CLSTN2: variants seen among roughly 807,000 people sequenced by gnomAD.
CLSTN2 encodes calsyntenin-2.
Under a neutral mutation model 101.2 loss-of-function variants are expected in CLSTN2, and 48 were observed. That is an observed-to-expected ratio of 0.47 (90% CI 0.38 to 0.60). The LOEUF is 0.60. Ranked by LOEUF, CLSTN2 falls within the 20% of genes least tolerant of loss-of-function variation. The pLI, the probability that CLSTN2 is intolerant of heterozygous loss-of-function variation, is 0.00. For synonymous variants in CLSTN2, 481 were observed against 463.6 expected, an observed-to-expected ratio of 1.04 and a Z score of -0.48; for missense variants, 1,160 against 1,238.2, an observed-to-expected ratio of 0.94 and a Z score of 0.95.
At chr3:140,286,593 C>T (rs2086897862) in intron 2 of CLSTN2, among the ~76,000 whole-genome samples, 1 of 152,214 alleles carries the variant, frequency 6.6e-6, no homozygotes, top group Non-Finnish European at 1.5e-5. Context: ...ACCACTCTGC[C>T]TCCCTCCTCA....
At chr3:140,397,476 G>T (rs531194748) in intron 2 of CLSTN2, among the ~76,000 whole-genome samples, 5 of 152,174 alleles carry the variant, frequency 3.3e-5, no homozygotes, top group African/African-American at 4.8e-5. Context: ...CTGCTGTAAC[G>T]AAATACCTTA....
Position 140,058,630 on chromosome 3 carries a change from C to T in CLSTN2, c.110-117321C>T, listed in dbSNP as rs2008141109. On this transcript the variant is annotated intron_variant, in intron 1 of 16. Transcript: ENST00000458420. ...TCTATTCAAAAGGGCCAATGATTAC[C>T]CCAAAAGTTTAGACCTACTCTCCTG... 2.6e-5 allele frequency among the ~76,000 whole-genome samples: 4 copies of T among 152,006 alleles called. No individual in the cohort carries two copies. The South Asian group carries it at 8.3e-4, about 32-fold the overall frequency.
At position 140,132,098 on chromosome 3, in the gene CLSTN2, C is replaced by T. The variant is rs185973547; in HGVS notation, c.110-43853C>T. Among the ~76,000 whole-genome samples the T allele has an allele frequency of 1.3e-4, 20 of 152,274 alleles. No homozygotes were observed. In the East Asian group the frequency reaches 3.9e-3, roughly 29 times the overall value. ...ACATTAAGGTTTCTGATAGATAGCT[C>T]ACATGGAGAACTGCAATTATGATAC... On this transcript the variant is annotated intron_variant, in intron 1 of 16. Transcript: ENST00000458420.
rs17402503 is a variant in CLSTN2 at position 140,219,839 on chromosome 3, C to T, written c.232+43766C>T. Among the ~76,000 whole-genome samples, 891 of 152,338 alleles carry T rather than the reference C, an allele frequency of 5.8e-3. 8 individuals are homozygous for T. Among genetic ancestry groups the T allele is most frequent in the Non-Finnish European group, 9.5e-3 (643 of 68,034 alleles). On this transcript the variant is annotated intron_variant, in intron 2 of 16. Coordinates refer to ENST00000458420, the MANE Select transcript of CLSTN2 (RefSeq NM_022131.3). ...TATGTAAAATAGTGGGGCACAGCAT[C>T]ATCGCTATCATACCTACCTCTTACT...
At position 140,572,205 on chromosome 3, in the gene CLSTN2, G is replaced by A. The variant is rs1310143410; in HGVS notation, c.*5952G>A. Reference sequence around the variant, plus strand: ...ACCCACCCTAAGTCAGATGACAGGTGTAATTCTAGGGGCCCTGATATGCAT... The same window carrying A: ...ACCCACCCTAAGTCAGATGACAGGTATAATTCTAGGGGCCCTGATATGCAT... On this transcript the variant is annotated 3_prime_UTR_variant, in exon 17 of 17. Coordinates refer to ENST00000458420, the MANE Select transcript of CLSTN2 (RefSeq NM_022131.3). The A allele has an allele frequency of 1.3e-5, 2 of 152,194 alleles. No homozygotes were observed. Among genetic ancestry groups the A allele is most frequent in the Admixed American group, 6.5e-5 (1 of 15,290 alleles). The allele number at this position is 152,194 out of a possible 1,614,324, so 9.4% of individuals were successfully genotyped here. A position where few individuals can be genotyped will look rare whatever the true frequency, so the allele number is the denominator to read the frequency against.
chr3:140,410,096 T>C (rs990585905), intron 4 of CLSTN2, among the ~76,000 whole-genome samples: 2 of 152,106 alleles, frequency 1.3e-5, no homozygotes, highest in African/African-American at 4.8e-5. Flanking sequence ...TGGGGGTATT[T>C]ATATGGCTAA....
chr3:140,163,781 C>T (rs1196313986), intron 1 of CLSTN2, among the ~76,000 whole-genome samples: 3 of 151,548 alleles, frequency 2.0e-5, no homozygotes, highest in Non-Finnish European at 4.4e-5. Context: ...ATTCTGCCGT[C>T]CTGCAGGGGT....
intron 1 of CLSTN2, among the ~76,000 whole-genome samples, chr3:140,153,127 C>G (rs189547114): frequency 6.6e-6 from 1 of 152,306 alleles, no homozygotes; most frequent in Non-Finnish European, 1.5e-5. Context: ...GAGGTTTTGA[C>G]TTCCACTGTT....
At chr3:139,971,293 G>C (rs989879254) in intron 1 of CLSTN2, among the ~76,000 whole-genome samples, 2 of 152,222 alleles carry the variant, frequency 1.3e-5, no homozygotes, top group African/African-American at 4.8e-5. Context: ...TTAAAGATGA[G>C]TTGGCATCTT....
chr3:140,114,096 G>C (rs534622858), intron 1 of CLSTN2, among the ~76,000 whole-genome samples: 1 of 152,208 alleles, frequency 6.6e-6, no homozygotes, highest in East Asian at 1.9e-4. Context: ...ATGAGGCTCA[G>C]ATTCCTTGCC....
chr3:140,451,141 TC>T (rs879570025), intron 6 of CLSTN2, among the ~76,000 whole-genome samples: 1 of 152,184 alleles, frequency 6.6e-6, no homozygotes, highest in Non-Finnish European at 1.5e-5. Context: ...TTAGTTAGCA[TC>T]GTTTCCTAAA....
intron 2 of CLSTN2, among the ~76,000 whole-genome samples, chr3:140,249,481 T>C (rs2107874317): frequency 6.6e-6 from 1 of 152,258 alleles, no homozygotes; most frequent in East Asian, 1.9e-4. Flanking sequence ...TGGTTATAGA[T>C]TCTGGTCTAA....
At chr3:140,125,538 A>T (rs1283313051) in intron 1 of CLSTN2, among the ~76,000 whole-genome samples, 1 of 152,084 alleles carries the variant, frequency 6.6e-6, no homozygotes, top group African/African-American at 2.4e-5. Context: ...AAAAGGAAGG[A>T]TGAGGTGAAG....
intron 5 of CLSTN2, among the ~76,000 whole-genome samples, chr3:140,437,290 C>T (rs551146559): frequency 1.6e-4 from 24 of 152,168 alleles, no homozygotes; most frequent in Non-Finnish European, 2.8e-4. Flanking sequence ...CCTCACAATC[C>T]GCCTGCCTCA....
chr3:140,109,672 A>G (rs979476424), intron 1 of CLSTN2, among the ~76,000 whole-genome samples: 1 of 152,174 alleles, frequency 6.6e-6, no homozygotes, highest in Admixed American at 6.5e-5. Context: ...GAGAATTCTT[A>G]GGGAACTAAG....
At chr3:140,511,327 G>A (rs369186098) in intron 8 of CLSTN2, among the ~76,000 whole-genome samples, 9 of 151,978 alleles carry the variant, frequency 5.9e-5, no homozygotes, top group African/African-American at 1.2e-4. Context: ...TACAGTGAAC[G>A]TACACGTGCT....
At chr3:140,544,261 T>C (rs1243902218) in intron 9 of CLSTN2, among the ~76,000 whole-genome samples, 1 of 152,226 alleles carries the variant, frequency 6.6e-6, no homozygotes, top group Non-Finnish European at 1.5e-5. Flanking sequence ...TGCTCAGTAT[T>C]ATCTTCATTA....
At chr3:140,154,463 C>A (rs2009916964) in intron 1 of CLSTN2, among the ~76,000 whole-genome samples, 1 of 152,012 alleles carries the variant, frequency 6.6e-6, no homozygotes, top group Admixed American at 6.6e-5. Context: ...CTGGATTAGT[C>A]CATTTTCACA....
chr3:140,397,277 T>C (rs2088193110), intron 2 of CLSTN2, among the ~76,000 whole-genome samples: 1 of 152,082 alleles, frequency 6.6e-6, no homozygotes, highest in Non-Finnish European at 1.5e-5. Context: ...ATGAAGAAAA[T>C]ATGACCTCAC....
Sources: gnomAD v4.1 joint callset for allele counts (sites outside exome capture counted in the v4.1 genomes callset) on GRCh38, gnomAD v4.1.1 for gene constraint, MANE v1.5 for transcripts, NCBI Gene and HGNC (gene_info 2026-07-23, HGNC 2026-07-21) for gene names.